ITIH4: variants seen among roughly 807,000 people sequenced by gnomAD.
ITIH4 encodes inter-alpha-trypsin inhibitor heavy chain H4.
ITIH4 carries 79 observed loss-of-function variants against 111.8 expected under a neutral mutation model. The observed-to-expected ratio is 0.71, with a 90% CI of 0.59 to 0.85. The LOEUF (loss-of-function observed/expected upper bound fraction) is 0.85. Ranked by LOEUF, ITIH4 falls within the 40% of genes least tolerant of loss-of-function variation. ITIH4 has a pLI of 0.00. For missense variants in ITIH4, 1,065 were observed against 1,195.8 expected (o/e 0.89, Z 1.61); for synonymous variants, 472 against 468.3 (o/e 1.01, Z -0.10).
chr3:52,815,231 G>T (rs1057472483), intron 21 of ITIH4, among the ~76,000 whole-genome samples: 20 of 150,204 alleles, frequency 1.3e-4, no homozygotes, highest in African/African-American at 4.4e-4. Context: ...AAATATGTGG[G>T]TTTTTTTCTT....
intron 3 of ITIH4, 35 bp from the exon 4 acceptor site, chr3:52,826,988 G>C (rs188899310): frequency 3.6e-5 from 58 of 1,613,808 alleles, no homozygotes; most frequent in Admixed American, 2.5e-4. Context: ...GCTCCTCCAG[G>C]ACAGGTGGGG....
At position 52,824,490 on chromosome 3, in the gene ITIH4, C is replaced by G; in HGVS notation, c.952G>C (p.Glu318Gln). The part of the protein sequence containing the change: ...DQFNLIVFST[E>Q]ATQWRPSLVP... ...AGTGATGGCCTCCACTGAGTTGCTT[C>G]TGTACTGAAGACGATGAGGTTGAAC... The change falls in exon 8 of 24, where the codon GAA (glutamate) becomes CAA (glutamine). Residue 318 changes from glutamate (E) to glutamine (Q), a missense_variant. Physicochemically the swap from Glu to Gln is conservative, Grantham distance 29. Transcript: ENST00000266041. This position sits in a 1 kb window ranked among gnomAD's most constrained non-coding sequence, Gnocchi z 4.3. 6.2e-7 allele frequency: 1 copy of G among 1,614,164 alleles called. No individual in the cohort carries two copies. The highest frequency in any genetic ancestry group is 8.5e-7 in the Non-Finnish European group (1 of 1,180,046).
intron 2 of ITIH4, among the ~76,000 whole-genome samples, chr3:52,827,803 T>G (rs540753297): frequency 6.6e-6 from 1 of 152,206 alleles, no homozygotes; most frequent in Non-Finnish European, 1.5e-5. Context: ...CTCCTGGGTG[T>G]GTGGACACAC....
At position 52,823,729 on chromosome 3, in the gene ITIH4, C is replaced by T; in HGVS notation, c.1366G>A (p.Glu456Lys). The T allele has an allele frequency of 5.6e-6, 9 of 1,614,182 alleles. No homozygotes were observed. The highest frequency in any genetic ancestry group is 7.6e-6 in the Non-Finnish European group (9 of 1,180,040). The change falls in exon 11 of 24, where the codon GAA becomes AAA. Residue 456 changes from glutamate to lysine, a missense_variant. Glu to Lys is a moderately conservative substitution (Grantham distance 56). Transcript: ENST00000266041. ...SALQLQDFYQ[E>K]VANPLLTAVT... ...GCTGTCAGCAGTGGGTTGGCCACTTCCTGGTAGAAGTCCTGCAGGGTTGGG... is the reference window on the plus strand; with the variant it reads ...GCTGTCAGCAGTGGGTTGGCCACTTTCTGGTAGAAGTCCTGCAGGGTTGGG...
intron 12 of ITIH4, 71 bp downstream of exon 12, chr3:52,820,920 C>G: frequency 6.4e-7 from 1 of 1,572,742 alleles, no homozygotes; most frequent in Non-Finnish European, 8.6e-7. Context: ...TCTCTCCATG[C>G]TTAGGCGCTG....
At chr3:52,830,471 C>T (rs1177903425) in intron 1 of ITIH4, 82 bp downstream of exon 1, 1 of 1,320,944 alleles carries the variant, frequency 7.6e-7, no homozygotes, top group Non-Finnish European at 1.1e-6. Context: ...TGCTGACACG[C>T]TGGCACATGC....
At position 52,823,592 on chromosome 3, in the gene ITIH4, C is replaced by A; in HGVS notation, c.1503G>T (p.Gly501=). 6 of 1,612,612 alleles carry A rather than the reference C, an allele frequency of 3.7e-6. No homozygotes were observed. Among genetic ancestry groups the A allele is most frequent in the Non-Finnish European group, 5.1e-6 (6 of 1,179,468 alleles). Residue 501 remains glycine, a synonymous_variant, in exon 11 of 24, where the codon GGG becomes GGT. Coordinates refer to ENST00000266041, the MANE Select transcript of ITIH4 (RefSeq NM_002218.5). ...TGACTGTGGCTGTGAGCACATCAGG[C>A]CCCCGGTCCTGGAGCTTCCCAGCCA... ...MVVAGKLQDR[G]PDVLTATVSG... is the part of the protein sequence containing the mutation.
intron 17 of ITIH4, 170 bp from the exon 18 acceptor site, chr3:52,818,706 T>C: frequency 1.6e-6 from 1 of 641,194 alleles, no homozygotes; most frequent in Non-Finnish European, 2.8e-6. Context: ...CTGTCAGGGA[T>C]AGGTCCAGCC....
chr3:52,815,966 G>A (rs181756308), intron 21 of ITIH4, among the ~76,000 whole-genome samples: 22 of 152,320 alleles, frequency 1.4e-4, no homozygotes, highest in Admixed American at 1.2e-3. Context: ...GATTACAGGC[G>A]TGAGCCACCA....
chr3:52,817,383 G>C (rs535152445), intron 20 of ITIH4, among the ~76,000 whole-genome samples: 1 of 152,372 alleles, frequency 6.6e-6, no homozygotes, highest in Non-Finnish European at 1.5e-5. Context: ...TGAGCTAGAT[G>C]CCGCGGCCAA....
intron 23 of ITIH4, 31 bp downstream of exon 23, chr3:52,813,944 T>A (rs1294743831): frequency 6.3e-7 from 1 of 1,580,644 alleles, no homozygotes; most frequent in East Asian, 2.3e-5. Flanking sequence ...CCACCCCAGC[T>A]GGGCTCAGCG....
Position 52,818,862 on chromosome 3 carries a change from G to A in ITIH4, c.2078-326C>T, listed in dbSNP as rs187473613. 1.1e-5 allele frequency: 4 copies of A among 373,646 alleles called. No homozygotes were observed. The Admixed American group carries it at 1.7e-4, about 16-fold the overall frequency. 23.1% of individuals were successfully genotyped at this position (373,646 alleles called of 1,614,324 possible). A position where few individuals can be genotyped will look rare whatever the true frequency, so the allele number is the denominator to read the frequency against. On this transcript the variant is annotated intron_variant, in intron 17 of 23. Transcript: ENST00000266041. ...TCTAGAGTATAGTGGATCCTACTCA[G>A]TGAAAGTAAAGGACAGGTGAAGTCC...
Position 52,819,694 on chromosome 3 carries a change from C to T in ITIH4, c.1951+60G>A, listed in dbSNP as rs932437841. The T allele has an allele frequency of 6.9e-6, 11 of 1,589,218 alleles. No homozygotes were observed. The African/African-American group carries it at 1.3e-4, about 19-fold the overall frequency. ...AGCTGGGAGATGAACAATAATGGAC[C>T]TCCCTCAAGCTCCCCCCCAGGGATG... On this transcript the variant is annotated intron_variant, in intron 16 of 23. Transcript: ENST00000266041.
Position 52,823,539 on chromosome 3 carries a change from G to A in ITIH4, c.1539+17C>T. ...GAGGCTGCCATTCCCCTCCAGGGTGGCTTTGGCCACACTCACCAGCTTCCC... is the reference window on the plus strand; with the variant it reads ...GAGGCTGCCATTCCCCTCCAGGGTGACTTTGGCCACACTCACCAGCTTCCC... On this transcript the variant is annotated intron_variant, in intron 11 of 23. Coordinates refer to ENST00000266041, the MANE Select transcript of ITIH4 (RefSeq NM_002218.5). The A allele has an allele frequency of 6.3e-7, 1 of 1,582,448 alleles. No individual in the cohort carries two copies. The highest frequency in any genetic ancestry group is 8.6e-7 in the Non-Finnish European group (1 of 1,162,518).
At chr3:52,828,764 T>C (rs1700522559) in intron 2 of ITIH4, among the ~76,000 whole-genome samples, 1 of 152,216 alleles carries the variant, frequency 6.6e-6, no homozygotes, top group Non-Finnish European at 1.5e-5. Context: ...GAAGGTTTTC[T>C]GTACTTTGAG....
intron 12 of ITIH4, 36 bp from the exon 13 acceptor site, chr3:52,820,821 T>C: frequency 6.3e-7 from 1 of 1,575,232 alleles, no homozygotes; most frequent in Non-Finnish European, 8.6e-7. Context: ...AGGAGATCCT[T>C]GAATTCGGGA....
At chr3:52,823,467 C>T in intron 11 of ITIH4, 89 bp downstream of exon 11, 1 of 1,080,782 alleles carries the variant, frequency 9.3e-7, no homozygotes. Context: ...AAAGCTGGAG[C>T]TGGGCAGGTC....
At chr3:52,827,914 T>C (rs1002712616) in intron 2 of ITIH4, among the ~76,000 whole-genome samples, 1 of 152,158 alleles carries the variant, frequency 6.6e-6, no homozygotes, top group Non-Finnish European at 1.5e-5. Context: ...TGTGTAGGGA[T>C]GTGCCTGGTC....
intron 20 of ITIH4, among the ~76,000 whole-genome samples, chr3:52,817,557 G>C (rs1233440347): frequency 6.6e-6 from 1 of 152,118 alleles, no homozygotes; most frequent in African/African-American, 2.4e-5. Flanking sequence ...AGTGGAGTGT[G>C]TCCCCATGTC....
Sources: allele counts gnomAD v4.1 joint callset (sites outside exome capture counted in the v4.1 genomes callset), GRCh38; gene constraint gnomAD v4.1.1; non-coding constraint Gnocchi (gnomAD v3.1); transcripts MANE v1.5; gene names NCBI Gene and HGNC (gene_info 2026-07-23, HGNC 2026-07-21).